The following EIF3H variants were observed in gnomAD, a reference collection of about 807,000 sequenced individuals.
EIF3H encodes eukaryotic translation initiation factor 3 subunit H.
In EIF3H, 26 loss-of-function variants were observed where a neutral mutation model predicts 44.2. The ratio of observed to expected loss-of-function variants is 0.59; its 90% confidence interval spans 0.43 to 0.82. The LOEUF (loss-of-function observed/expected upper bound fraction) is 0.82, where lower values mean the gene tolerates loss of function less well. Among genes scored for constraint, EIF3H ranks in the 40% least tolerant of loss-of-function variants. The probability of loss-of-function intolerance (pLI) is 0.00; values close to 1 mark genes in which losing one functional copy is unlikely to be tolerated. For synonymous variants in EIF3H, 166 were observed against 151.9 expected (o/e 1.09, Z -0.68); for missense variants, 359 against 432.8 (o/e 0.83, Z 1.51).
At chr8:116,726,571 A>G (rs749471554) in intron 1 of EIF3H, among the ~76,000 whole-genome samples, 31 of 152,246 alleles carry the variant, frequency 2.0e-4, no homozygotes, top group Non-Finnish European at 4.0e-4. Context: ...ACACAGAGAT[A>G]AAGGTCTCAA....
chr8:116,697,257 A>G (rs752145433), intron 2 of EIF3H: 36 of 445,904 alleles, frequency 8.1e-5, no homozygotes, highest in South Asian at 5.1e-4. Flanking sequence ...ATCAGAAGAA[A>G]CAAAAAAAGA....
chr8:116,680,231 C>T (rs1449086538), intron 2 of EIF3H, among the ~76,000 whole-genome samples: 2 of 52,094 alleles, frequency 3.8e-5, no homozygotes, highest in African/African-American at 5.5e-5. Context: ...CCCGGCCAGC[C>T]GCCCCATCCG....
intron 2 of EIF3H, among the ~76,000 whole-genome samples, chr8:116,674,109 A>G (rs1368269322): frequency 4.1e-5 from 6 of 144,930 alleles, no homozygotes; most frequent in Admixed American, 1.4e-4. Context: ...GAACACTTAA[A>G]GGTGGAAATT....
chr8:116,675,151 T>C (rs1006422128), intron 2 of EIF3H, among the ~76,000 whole-genome samples: 5 of 149,086 alleles, frequency 3.4e-5, no homozygotes, highest in African/African-American at 1.2e-4. Context: ...GATGGCACTG[T>C]GCTACCACTT....
intron 2 of EIF3H, among the ~76,000 whole-genome samples, chr8:116,681,943 A>T (rs1813997004): frequency 6.6e-6 from 1 of 152,214 alleles, no homozygotes; most frequent in Non-Finnish European, 1.5e-5. Context: ...AGGGAGAGAA[A>T]AAGCAAATGA....
chr8:116,660,935 A>T (rs1813576210), intron 2 of EIF3H, among the ~76,000 whole-genome samples: 1 of 152,248 alleles, frequency 6.6e-6, no homozygotes, highest in Admixed American at 6.5e-5. Context: ...TTTTATACAC[A>T]ATATGACAGC....
chr8:116,752,733 A>AAAGAAAG lies in EIF3H; in HGVS notation c.132+2932_132+2933insCTTTCTT, dbSNP rs1563663056. ...GAAAGAAAGAAAGAAAGAAAGAAAG[A>AAAGAAAG]AGAGAAAGAAAGAAAGAAAGAGGGA... On this transcript the variant is annotated intron_variant, in intron 1 of 7. Coordinates refer to ENST00000521861, the MANE Select transcript of EIF3H (RefSeq NM_003756.3). Among the ~76,000 whole-genome samples, 24 of 124,536 alleles carry AAAGAAAG rather than the reference A, an allele frequency of 1.9e-4. 1 individual carries two copies. The East Asian group carries it at 4.4e-3, about 23-fold the overall frequency. 81.7% of individuals were successfully genotyped at this position (124,536 alleles called of 152,430 possible).
chr8:116,744,364 G>A (rs185548252), intron 1 of EIF3H, among the ~76,000 whole-genome samples: 28 of 152,160 alleles, frequency 1.8e-4, no homozygotes, highest in Admixed American at 9.8e-4. Flanking sequence ...AGACTCAAAG[G>A]ATTAAAAATA....
intron 3 of EIF3H, 188 bp downstream of exon 3, chr8:116,658,625 T>C: frequency 3.7e-6 from 2 of 535,016 alleles, no homozygotes; most frequent in Non-Finnish European, 6.4e-6. Context: ...AGGGCTCTGA[T>C]AGCAAGAAAA....
chr8:116,696,086 C>T (rs1814264935), intron 2 of EIF3H, among the ~76,000 whole-genome samples: 1 of 152,206 alleles, frequency 6.6e-6, no homozygotes, highest in South Asian at 2.1e-4. Context: ...ATCCCAAGAG[C>T]AATGAGCATG....
At chr8:116,668,932 G>A (rs936354023) in intron 2 of EIF3H, among the ~76,000 whole-genome samples, 1 of 152,144 alleles carries the variant, frequency 6.6e-6, no homozygotes, top group Non-Finnish European at 1.5e-5. Flanking sequence ...AAATGTTTGT[G>A]TAGAATTGGA....
chr8:116,748,841 C>T (rs1219408751), intron 1 of EIF3H, among the ~76,000 whole-genome samples: 4 of 152,166 alleles, frequency 2.6e-5, no homozygotes, highest in Non-Finnish European at 5.9e-5. Flanking sequence ...TATATCATCC[C>T]TAGATTGCAT....
intron 2 of EIF3H, among the ~76,000 whole-genome samples, chr8:116,714,589 A>G (rs906711274): frequency 6.6e-6 from 1 of 152,036 alleles, no homozygotes; most frequent in African/African-American, 2.4e-5. Context: ...ACACTTGACC[A>G]CAACGATATG....
chr8:116,667,849 T>C (rs187374459), intron 2 of EIF3H, among the ~76,000 whole-genome samples: 2 of 152,306 alleles, frequency 1.3e-5, no homozygotes, highest in Admixed American at 6.5e-5. Flanking sequence ...GTCAACACAT[T>C]TGTCTCTCTA....
chr8:116,663,930 C>CAAAAAA (rs779193805), intron 2 of EIF3H, among the ~76,000 whole-genome samples: 2 of 76,204 alleles, frequency 2.6e-5, no homozygotes, highest in Non-Finnish European at 5.4e-5. Flanking sequence ...GACTCAGTCT[C>CAAAAAA]AAAAAAAAAA....
At chr8:116,657,122 A>T in intron 4 of EIF3H, 93 bp downstream of exon 4, 1 of 1,094,588 alleles carries the variant, frequency 9.1e-7, no homozygotes, top group Non-Finnish European at 1.4e-6. Flanking sequence ...CAAAAGCATT[A>T]CCACACCACA....
chr8:116,645,196 G>T, intron 7 of EIF3H, 93 bp from the exon 8 acceptor site: 2 of 898,510 alleles, frequency 2.2e-6, no homozygotes, highest in Non-Finnish European at 3.5e-6. Flanking sequence ...GCATAAAACA[G>T]AATCACCTGT....
chr8:116,657,123 C>T (rs1284181233), intron 4 of EIF3H, 92 bp downstream of exon 4: 1 of 1,123,588 alleles, frequency 8.9e-7, no homozygotes, highest in Non-Finnish European at 1.4e-6. Context: ...AAAAGCATTA[C>T]CACACCACAA....
intron 1 of EIF3H, among the ~76,000 whole-genome samples, chr8:116,743,564 C>T (rs1181900574): frequency 1.3e-5 from 2 of 151,692 alleles, no homozygotes; most frequent in South Asian, 2.1e-4. Context: ...GTCAACATGG[C>T]GAAACCCCAT....
Sources: gnomAD v4.1 joint callset for allele counts (sites outside exome capture counted in the v4.1 genomes callset) on GRCh38, gnomAD v4.1.1 for gene constraint, MANE v1.5 for transcripts, NCBI Gene and HGNC (gene_info 2026-07-23, HGNC 2026-07-21) for gene names.